SYT9: variants seen among roughly 807,000 people sequenced by gnomAD.
SYT9 encodes the protein synaptotagmin 9, also known as synaptotagmin-9.
SYT9 carries 22 observed loss-of-function variants against 48.4 expected under a neutral mutation model. The observed-to-expected ratio is 0.45, with a 90% CI of 0.32 to 0.65. SYT9 has a LOEUF of 0.65. Among genes scored for constraint, SYT9 ranks in the 30% least tolerant of loss-of-function variants. SYT9 has a pLI of 0.03. For synonymous variants in SYT9, 265 were observed against 245.0 expected (o/e 1.08, Z -0.76); for missense variants, 577 against 622.0 (o/e 0.93, Z 0.77).
chr11:7,446,103 G>A (rs1847924075), intron 6 of SYT9, among the ~76,000 whole-genome samples: 1 of 152,234 alleles, frequency 6.6e-6, no homozygotes, highest in Non-Finnish European at 1.5e-5. Flanking sequence ...CCACGTGGCA[G>A]ACTTGCCTGA....
chr11:7,311,281 T>G (rs11041308), intron 2 of SYT9, among the ~76,000 whole-genome samples: 1 of 152,000 alleles, frequency 6.6e-6, no homozygotes, highest in Non-Finnish European at 1.5e-5. Flanking sequence ...CAGCCCCAGT[T>G]GACAACAGTG....
At chr11:7,296,211 C>T (rs1443385215) in intron 1 of SYT9, among the ~76,000 whole-genome samples, 1 of 152,126 alleles carries the variant, frequency 6.6e-6, no homozygotes, top group African/African-American at 2.4e-5. Flanking sequence ...TTTGACAAGA[C>T]AAGATACAGA....
At chr11:7,383,441 T>G (rs1272777167) in intron 3 of SYT9, among the ~76,000 whole-genome samples, 1 of 152,176 alleles carries the variant, frequency 6.6e-6, no homozygotes, top group African/African-American at 2.4e-5. Context: ...GCTGGGCTAC[T>G]GAGGGTGCAA....
rs1848643940 is a variant in SYT9, at chr11:7,288,690, T to A, written c.146-14349T>A. 2.0e-5 allele frequency among the ~76,000 whole-genome samples: 3 copies of A among 152,370 alleles called. No homozygotes were observed. The South Asian group carries it at 6.2e-4, about 32-fold the overall frequency. On this transcript the variant is annotated intron_variant, in intron 1 of 6. Transcript: ENST00000318881. ...CATTTGTCCTCCTTCTCATTTATAC[T>A]TGTTCTTACTATTTCTGTCTCCTGA...
chr11:7,302,935 C>A, intron 1 of SYT9, 104 bp from the exon 2 acceptor site: 1 of 1,073,648 alleles, frequency 9.3e-7, no homozygotes, highest in Non-Finnish European at 1.4e-6. Context: ...CCGCAGTCGG[C>A]TCCCAAGGGA....
At chr11:7,324,024 G>A (rs1849384065) in intron 3 of SYT9, among the ~76,000 whole-genome samples, 1 of 151,782 alleles carries the variant, frequency 6.6e-6, no homozygotes, top group South Asian at 2.1e-4. Flanking sequence ...AATCTTTTCT[G>A]TCAATGTTTA....
chr11:7,461,186 A>G (rs1848229449), intron 6 of SYT9: 1 of 152,014 alleles, frequency 6.6e-6, no homozygotes, highest in Admixed American at 6.6e-5. Context: ...TATAACTTTT[A>G]TCATTCCTAT....
At chr11:7,366,481 C>G (rs1850246377) in intron 3 of SYT9, among the ~76,000 whole-genome samples, 1 of 152,144 alleles carries the variant, frequency 6.6e-6, no homozygotes, top group African/African-American at 2.4e-5. Context: ...TAATAGACAT[C>G]CACACTAATT....
chr11:7,265,332 G>A (rs899186634), intron 1 of SYT9, among the ~76,000 whole-genome samples: 2 of 152,026 alleles, frequency 1.3e-5, no homozygotes, highest in African/African-American at 4.8e-5. Flanking sequence ...AAATAAGGAG[G>A]GTGAAAAGCG....
intron 6 of SYT9, among the ~76,000 whole-genome samples, chr11:7,448,846 T>C (rs1194470907): frequency 1.3e-5 from 2 of 151,776 alleles, no homozygotes; most frequent in Non-Finnish European, 1.5e-5. Flanking sequence ...GGTGGATGGG[T>C]CATCACTAAG....
chr11:7,413,266 G>A (rs1180440619), intron 3 of SYT9, among the ~76,000 whole-genome samples: 2 of 152,158 alleles, frequency 1.3e-5, no homozygotes, highest in African/African-American at 2.4e-5. Context: ...AAAGTATCTG[G>A]CCTCATCTCC....
intron 3 of SYT9, among the ~76,000 whole-genome samples, chr11:7,344,463 G>T (rs1394990812): frequency 2.0e-5 from 3 of 152,134 alleles, no homozygotes. Flanking sequence ...TGTCAAAGAA[G>T]TCCTGGCCTA....
chr11:7,270,370 T>C (rs1848272479), intron 1 of SYT9, among the ~76,000 whole-genome samples: 1 of 152,180 alleles, frequency 6.6e-6, no homozygotes, highest in Non-Finnish European at 1.5e-5. Context: ...ATTACCTGAA[T>C]ACTCAATTAA....
intron 6 of SYT9, among the ~76,000 whole-genome samples, chr11:7,454,466 C>A (rs151234916): frequency 6.6e-6 from 1 of 152,148 alleles, no homozygotes; most frequent in Non-Finnish European, 1.5e-5. Context: ...CCCATTCCCC[C>A]AAAGCATGCA....
chr11:7,388,658 T>C (rs1170268602), intron 3 of SYT9, among the ~76,000 whole-genome samples: 2 of 152,224 alleles, frequency 1.3e-5, no homozygotes, highest in Non-Finnish European at 2.9e-5. Flanking sequence ...TTAAATGTTT[T>C]GAAATTTATT....
intron 3 of SYT9, among the ~76,000 whole-genome samples, chr11:7,406,871 T>G (rs1361380440): frequency 6.6e-6 from 1 of 152,190 alleles, no homozygotes; most frequent in Admixed American, 6.5e-5. Context: ...TTTTGTCTTT[T>G]TAATAATAGC....
chr11:7,416,331 C>A (rs1219831547), intron 4 of SYT9, among the ~76,000 whole-genome samples, 169 bp downstream of exon 4: 1 of 152,192 alleles, frequency 6.6e-6, no homozygotes, highest in Admixed American at 6.5e-5. Flanking sequence ...CCTCTCTGAG[C>A]TTTGGATTCC....
At chr11:7,286,338 G>T (rs1195045235) in intron 1 of SYT9, among the ~76,000 whole-genome samples, 1 of 152,178 alleles carries the variant, frequency 6.6e-6, no homozygotes. Flanking sequence ...CTATACCTTG[G>T]CCTCTTTTAG....
In SYT9 at chr11:7,406,533, C is replaced by T. The variant is rs553398272; in HGVS notation, c.1045-9509C>T. 2.9e-3 allele frequency among the ~76,000 whole-genome samples: 174 copies of T among 59,290 alleles called. 2 individuals carry two copies. The highest frequency in any genetic ancestry group is 0.015 in the South Asian group (22 of 1,422). 38.9% of individuals were successfully genotyped at this position (59,290 alleles called of 152,430 possible). On this transcript the variant is annotated intron_variant, in intron 3 of 6. Coordinates refer to ENST00000318881, the MANE Select transcript of SYT9 (RefSeq NM_175733.4). ...TTTATGGCTGAATAATGTTCAATTG[C>T]GCATATATATATATATATATATATA...
Sources: allele counts gnomAD v4.1 joint callset (sites outside exome capture counted in the v4.1 genomes callset), GRCh38; gene constraint gnomAD v4.1.1; transcripts MANE v1.5; gene names NCBI Gene and HGNC (gene_info 2026-07-23, HGNC 2026-07-21).